The following PIBF1 variants were observed in gnomAD, a reference collection of about 807,000 sequenced individuals.
The protein encoded by PIBF1 is progesterone-induced-blocking factor 1.
In PIBF1, 90 loss-of-function variants were observed where a neutral mutation model predicts 112.5. The ratio of observed to expected loss-of-function variants is 0.80; its 90% CI spans 0.67 to 0.95. The LOEUF is 0.95. Among genes scored for constraint, PIBF1 ranks in the 40% least tolerant of loss-of-function variants. The pLI, the probability that PIBF1 is intolerant of heterozygous loss-of-function variation, is 0.00. For missense variants in PIBF1, 915 were observed against 852.3 expected, an observed-to-expected ratio of 1.07 and a Z score of -0.92; for synonymous variants, 301 against 288.6, an observed-to-expected ratio of 1.04 and a Z score of -0.44.
chr13:72,984,503 TGTA>T (rs1187611095), intron 16 of PIBF1, among the ~76,000 whole-genome samples: 4 of 152,206 alleles, frequency 2.6e-5, no homozygotes, highest in South Asian at 2.1e-4. Context: ...TATATTATCT[TGTA>T]GTTTTTTATA....
In PIBF1 at chr13:72,944,870, G is replaced by A. The variant is rs540764850; in HGVS notation, c.1833+13603G>A. On this transcript the variant is annotated intron_variant, in intron 14 of 17. Coordinates refer to ENST00000326291, the MANE Select transcript of PIBF1 (RefSeq NM_006346.4). ...CAACCTCTGCCTCCCTGGTTCAAGC[G>A]ATTCTCCTGCCTCAGCCTCCTGAGT... Among the ~76,000 whole-genome samples, 5 of 152,118 alleles carry A rather than the reference G, an allele frequency of 3.3e-5. No individual in the cohort carries two copies. In the East Asian group the frequency reaches 7.7e-4, roughly 24 times the overall value.
chr13:72,976,739 G>A (rs2043031939), intron 16 of PIBF1, among the ~76,000 whole-genome samples: 1 of 152,144 alleles, frequency 6.6e-6, no homozygotes, highest in Non-Finnish European at 1.5e-5. Context: ...TGACCCCCTA[G>A]AAATGCTTGG....
intron 10 of PIBF1, among the ~76,000 whole-genome samples, chr13:72,859,890 G>A (rs2138361648): frequency 6.6e-6 from 1 of 152,246 alleles, no homozygotes; most frequent in Non-Finnish European, 1.5e-5. Context: ...AGATTCAAAA[G>A]TGCCCTATTA....
intron 16 of PIBF1, 55 bp downstream of exon 16, chr13:72,973,730 C>A: frequency 2.1e-6 from 2 of 938,758 alleles, no homozygotes; most frequent in South Asian, 1.5e-5. Flanking sequence ...TTAAAAACTG[C>A]TATCAGGTTA....
chr13:72,995,785 A>G (rs1444068688), intron 16 of PIBF1, among the ~76,000 whole-genome samples: 3 of 151,980 alleles, frequency 2.0e-5, no homozygotes, highest in Non-Finnish European at 4.4e-5. Flanking sequence ...CCCCGTCTCT[A>G]TTAAAAATAC....
At chr13:72,948,377 C>T (rs926756933) in intron 14 of PIBF1, among the ~76,000 whole-genome samples, 9 of 152,162 alleles carry the variant, frequency 5.9e-5, no homozygotes, top group African/African-American at 2.2e-4. Flanking sequence ...AGAAGTTCCT[C>T]ATCTCCATCT....
At chr13:72,853,447 A>G (rs1350640098) in intron 9 of PIBF1, among the ~76,000 whole-genome samples, 1 of 152,108 alleles carries the variant, frequency 6.6e-6, no homozygotes, top group Non-Finnish European at 1.5e-5. Flanking sequence ...CTACCTCCAA[A>G]TCACCATTCT....
intron 10 of PIBF1, among the ~76,000 whole-genome samples, chr13:72,861,134 T>TA (rs966715731): frequency 3.9e-5 from 6 of 152,040 alleles, no homozygotes; most frequent in African/African-American, 9.7e-5. Flanking sequence ...TTGTTTTATT[T>TA]AAAAAAATAT....
intron 9 of PIBF1, among the ~76,000 whole-genome samples, chr13:72,845,236 G>GGTGTTTGGTTTTCTGTTCCT (rs1365522369): frequency 2.0e-5 from 3 of 151,642 alleles, no homozygotes; most frequent in African/African-American, 7.3e-5. Context: ...GAGAATATGT[G>GGTGTTTGGTTTTCTGTTCCT]GTGTTTGGTT....
chr13:72,790,393 T>G (rs767954261), intron 2 of PIBF1, among the ~76,000 whole-genome samples: 2 of 148,042 alleles, frequency 1.4e-5, no homozygotes, highest in South Asian at 2.1e-4. Flanking sequence ...CTAAATGTAA[T>G]TGTCAGTTAG....
chr13:72,918,384 T>A (rs1253369935), intron 13 of PIBF1, among the ~76,000 whole-genome samples: 6 of 11,216 alleles, frequency 5.3e-4, no homozygotes, highest in Admixed American at 1.4e-3. Context: ...CAACTACCTA[T>A]TTTTTTTTTT....
intron 2 of PIBF1, among the ~76,000 whole-genome samples, chr13:72,785,142 G>T (rs930962247): frequency 3.7e-4 from 56 of 151,920 alleles, no homozygotes; most frequent in Non-Finnish European, 7.6e-4. Flanking sequence ...ACTCACATTG[G>T]TGATTAGGTT....
intron 17 of PIBF1, among the ~76,000 whole-genome samples, chr13:73,011,745 T>C (rs1018356801): frequency 2.6e-5 from 4 of 152,164 alleles, no homozygotes; most frequent in Admixed American, 6.5e-5. Context: ...CAAAGGCCCA[T>C]TTACGGCAGT....
At chr13:72,804,726 G>T (rs1383254587) in intron 5 of PIBF1, among the ~76,000 whole-genome samples, 3 of 152,184 alleles carry the variant, frequency 2.0e-5, no homozygotes, top group East Asian at 3.9e-4. Flanking sequence ...AAAATACTCA[G>T]TATGCCAGGG....
At chr13:73,010,585 G>A (rs9530133) in intron 17 of PIBF1, among the ~76,000 whole-genome samples, 150,812 of 151,990 alleles carry the variant, frequency 0.99, 74,836 homozygotes, top group Middle Eastern at 1. Flanking sequence ...CCTGGGCAAC[G>A]GAATGAGACT....
intron 9 of PIBF1, among the ~76,000 whole-genome samples, chr13:72,847,725 C>G (rs1313963956): frequency 6.6e-6 from 1 of 152,162 alleles, no homozygotes; most frequent in Non-Finnish European, 1.5e-5. Context: ...AATAAGATTT[C>G]CACTTTGCTT....
In PIBF1 at chr13:72,801,368, G is replaced by GA. The variant is rs975602393; in HGVS notation, c.672+3348dup. Among the ~76,000 whole-genome samples, 7 of 151,746 alleles carry GA rather than the reference G, an allele frequency of 4.6e-5. No homozygotes were observed. In the East Asian group the frequency reaches 9.7e-4, roughly 21 times the overall value. On this transcript the variant is annotated intron_variant, in intron 5 of 17. Coordinates refer to ENST00000326291, the MANE Select transcript of PIBF1 (RefSeq NM_006346.4). ...ATGAACTATGTAGCCTAGAAATATA[G>GA]AAAAAATCAAGAAAAAGTTATGTAA...
At chr13:72,955,608 C>T (rs915876058) in intron 14 of PIBF1, among the ~76,000 whole-genome samples, 1 of 152,046 alleles carries the variant, frequency 6.6e-6, no homozygotes, top group Non-Finnish European at 1.5e-5. Flanking sequence ...TATACACACA[C>T]ATACATACAC....
At chr13:72,850,320 A>C (rs1428063552) in intron 9 of PIBF1, among the ~76,000 whole-genome samples, 2 of 152,334 alleles carry the variant, frequency 1.3e-5, no homozygotes, top group Admixed American at 1.3e-4. Flanking sequence ...TCACTTTTAA[A>C]AAATGTTTCA....
Sources: gnomAD v4.1 joint callset for allele counts (sites outside exome capture counted in the v4.1 genomes callset) on GRCh38, gnomAD v4.1.1 for gene constraint, MANE v1.5 for transcripts, NCBI Gene and HGNC (gene_info 2026-07-23, HGNC 2026-07-21) for gene names.